The following ZNF91 variants were observed in gnomAD, a reference collection of about 807,000 sequenced individuals.
ZNF91 encodes zinc finger protein 91 (HPF7, HTF10).
Under a neutral mutation model 12.6 loss-of-function variants are expected in ZNF91, and 7 were observed. That is an observed-to-expected ratio of 0.55 (90% CI 0.31 to 1.04). The LOEUF (loss-of-function observed/expected upper bound fraction) is 1.04, where lower values mean the gene tolerates loss of function less well. Ranked by LOEUF, ZNF91 falls within the 50% of genes least tolerant of loss-of-function variation. The pLI, the probability that ZNF91 is intolerant of heterozygous loss-of-function variation, is 0.05. For missense variants in ZNF91, 1,217 were observed against 1,385.4 expected (o/e 0.88, Z 1.93); for synonymous variants, 453 against 462.6 (o/e 0.98, Z 0.27).
rs750706081 is a variant in ZNF91 at position 23,360,474 on chromosome 19, A to C, written c.2505T>G (p.Phe835Leu). The change falls in exon 4 of 4, where the codon TTT (phenylalanine) becomes TTG (leucine). Residue 835 changes from phenylalanine (F) to leucine (L), a missense_variant. Physicochemically the swap from Phe to Leu is conservative, Grantham distance 22. Transcript: ENST00000300619. Reference sequence around the variant, plus strand: ...GTTTAGCAAGGGCTGAGGAGTGCTTAAAAGCTTTGCCACATTCTTTACATT... The same window carrying C: ...GTTTAGCAAGGGCTGAGGAGTGCTTCAAAGCTTTGCCACATTCTTTACATT... Reference protein sequence around the residue: ...PYKCKECGKAFKHSSALAKHK... With the variant: ...PYKCKECGKALKHSSALAKHK... 6.2e-7 allele frequency: 1 copy of C among 1,613,890 alleles called. No homozygotes were observed. Among genetic ancestry groups the C allele is most frequent in the South Asian group, 1.1e-5 (1 of 91,078 alleles).
At chr19:23,334,600 A>G (rs1967973483), downstream of ZNF91, among the ~76,000 whole-genome samples, 1 of 152,256 alleles carries the variant, frequency 6.6e-6, no homozygotes, top group Non-Finnish European at 1.5e-5. Flanking sequence ...AAATTCAATT[A>G]GACAATGTTT....
chr19:23,360,097 G>A lies in ZNF91; in HGVS notation c.2882C>T (p.Thr961Ile), dbSNP rs577199617. ...TTCACATTTGTAGGGTTTCTCTCCA[G>A]TATGAATTATCTTATGTGTAGTAAG... ...STLTTHKIIHTGEKPYKCEEC... is the reference protein window; with the variant it reads ...STLTTHKIIHIGEKPYKCEEC... The change falls in exon 4 of 4, where the codon ACT becomes ATT. Residue 961 changes from threonine (T) to isoleucine (I), a missense_variant. By Grantham distance (89) the Thr-to-Ile change is moderately conservative (BLOSUM62 -1). Transcript: ENST00000300619. 5 of 1,613,472 alleles carry A rather than the reference G, an allele frequency of 3.1e-6. No homozygotes were observed. Among genetic ancestry groups the A allele is most frequent in the South Asian group, 2.2e-5 (2 of 91,084 alleles).
chr19:23,384,483 A>G (rs1969811693), intron 1 of ZNF91: 1 of 601,378 alleles, frequency 1.7e-6, no homozygotes, highest in Non-Finnish European at 2.4e-6. Flanking sequence ...CTGTGAAAAA[A>G]GTTGCCCTTT....
At chr19:23,307,826 C>G (rs1967417330) in intron 2 of ZNF91, 1 of 152,234 alleles carries the variant, frequency 6.6e-6, no homozygotes, top group Non-Finnish European at 1.5e-5. Flanking sequence ...TAACTCTCCT[C>G]TACTACTTCG....
At chr19:23,379,896 T>C (rs1177092727) in intron 1 of ZNF91, among the ~76,000 whole-genome samples, 4 of 152,262 alleles carry the variant, frequency 2.6e-5, no homozygotes, top group Non-Finnish European at 5.9e-5. Context: ...AGCACACGGC[T>C]CACAGCTGGC....
Position 23,395,389 on chromosome 19 carries a change from G to C in ZNF91, c.-35C>G. On this transcript the variant is annotated 5_prime_UTR_variant, in exon 1 of 4. Transcript: ENST00000300619. ...GGCTCTCCAATACCTGCAGGTCACA[G>C]GGCCACACAGGCTGGGCCTCCTGGA... is the stretch of plus-strand genomic sequence containing the variant. The C allele has an allele frequency of 6.2e-7, 1 of 1,612,548 alleles. No individual in the cohort carries two copies. The highest frequency in any genetic ancestry group is 1.3e-5 in the African/African-American group (1 of 74,960).
In ZNF91 at chr19:23,320,123, C is replaced by T. The variant is rs184221775; in HGVS notation, n.117-11026G>A. 1.2e-3 allele frequency among the ~76,000 whole-genome samples: 185 copies of T among 152,302 alleles called. 3 individuals are homozygous for T. In the Middle Eastern group the frequency reaches 0.017, roughly 14 times the overall value. On this transcript the variant is annotated intron_variant and non_coding_transcript_variant, in intron 1 of 1. Coordinates refer to the ZNF91 transcript ENST00000596528. ...CCCACTGGTGAGATCCTGAATCTCA[C>T]ACGTAGACACAGTCTACAGATGGAA...
chr19:23,307,214 C>T (rs1302243438), intron 3 of ZNF91: 2 of 152,200 alleles, frequency 1.3e-5, no homozygotes, highest in South Asian at 2.1e-4. Flanking sequence ...CCTTGTCCTA[C>T]CTCTATTGTG....
chr19:23,312,736 A>T (rs1967491268), upstream of ZNF91, among the ~76,000 whole-genome samples: 1 of 152,188 alleles, frequency 6.6e-6, no homozygotes, highest in Non-Finnish European at 1.5e-5. Context: ...CCACAGGTAC[A>T]ATCATGATTC....
At chr19:23,329,992 C>T (rs376770484) in intron 1 of ZNF91, among the ~76,000 whole-genome samples, 4 of 152,138 alleles carry the variant, frequency 2.6e-5, no homozygotes, top group African/African-American at 7.2e-5. Context: ...CATCCTCTTC[C>T]GTGTGAATTA....
At chr19:23,367,470 A>G (rs1053402813) in intron 3 of ZNF91, among the ~76,000 whole-genome samples, 9 of 152,244 alleles carry the variant, frequency 5.9e-5, no homozygotes, top group African/African-American at 2.2e-4. Flanking sequence ...TTAATTTTTC[A>G]AAGATGTCAA....
chr19:23,344,839 G>A (rs924198397), intron 3 of ZNF91, among the ~76,000 whole-genome samples: 9 of 152,198 alleles, frequency 5.9e-5, no homozygotes, highest in Non-Finnish European at 1.0e-4. Context: ...GCAAGAGAGC[G>A]GAAGCAGGAA....
At chr19:23,351,530 T>A (rs780231210) in intron 3 of ZNF91, among the ~76,000 whole-genome samples, 2 of 152,162 alleles carry the variant, frequency 1.3e-5, no homozygotes, top group Non-Finnish European at 2.9e-5. Context: ...AATAATCTTG[T>A]TAGGCAAAAG....
Position 23,361,220 on chromosome 19 carries a change from A to C in ZNF91, c.1759T>G (p.Ser587Ala). Residue 587 changes from serine to alanine, a missense_variant, in exon 4 of 4, where the codon TCA becomes GCA. Physicochemically the swap from Ser to Ala is moderately conservative, Grantham distance 99 (BLOSUM62 1). Transcript: ENST00000300619. The part of the protein sequence containing the change: ...EECGKAFNHS[S>A]SLSTHKIIHT... ...ATTATCTTATGTGTAGAAAGACTTGAGGAATGATTAAAAGCTTTGCCACAT... is the reference window on the plus strand; with the variant it reads ...ATTATCTTATGTGTAGAAAGACTTGCGGAATGATTAAAAGCTTTGCCACAT... 1 of 1,613,552 alleles carries C rather than the reference A, an allele frequency of 6.2e-7. No homozygotes were observed. The highest frequency in any genetic ancestry group is 8.5e-7 in the Non-Finnish European group (1 of 1,179,774).
intron 1 of ZNF91, among the ~76,000 whole-genome samples, chr19:23,377,177 A>T (rs1203801531): frequency 6.6e-6 from 1 of 152,126 alleles, no homozygotes; most frequent in Non-Finnish European, 1.5e-5. Context: ...TCCTTACCAA[A>T]TCCAAATAGA....
intron 3 of ZNF91, among the ~76,000 whole-genome samples, chr19:23,367,805 G>A (rs1969073714): frequency 6.6e-6 from 1 of 152,162 alleles, no homozygotes; most frequent in Admixed American, 6.5e-5. Context: ...AAAAAATTCT[G>A]TTAGAAACTG....
intron 1 of ZNF91, chr19:23,384,987 T>A: frequency 8.8e-7 from 1 of 1,134,616 alleles, no homozygotes; most frequent in Non-Finnish European, 1.3e-6. Context: ...AGGAAAAAGG[T>A]CAGGAGAAAA....
At position 23,360,624 on chromosome 19, in the gene ZNF91, T is replaced by C. The variant is rs370042819; in HGVS notation, c.2355A>G (p.Leu785=). 205 of 1,612,922 alleles carry C rather than the reference T, an allele frequency of 1.3e-4. No individual in the cohort carries two copies. In the African/African-American group the frequency reaches 2.5e-3, roughly 20 times the overall value. ...CAGTGTGTATCCTCTTATGTCTAGTTAGGGTTGAAGACCATATAAATGCTT... is the reference window on the plus strand; with the variant it reads ...CAGTGTGTATCCTCTTATGTCTAGTCAGGGTTGAAGACCATATAAATGCTT... ...CGKAFIWSST[L]TRHKRIHTGE... Residue 785 remains leucine (L), a synonymous_variant, in exon 4 of 4, where the codon CTA becomes CTG. Transcript: ENST00000300619.
intron 3 of ZNF91, among the ~76,000 whole-genome samples, chr19:23,349,113 A>T (rs1968302721): frequency 6.6e-6 from 1 of 152,056 alleles, no homozygotes; most frequent in Non-Finnish European, 1.5e-5. Context: ...GGACATGGAC[A>T]CTCATTGGTA....
Sources: allele counts gnomAD v4.1 joint callset (sites outside exome capture counted in the v4.1 genomes callset), GRCh38; gene constraint gnomAD v4.1.1; transcripts MANE v1.5; gene names NCBI Gene and HGNC (gene_info 2026-07-23, HGNC 2026-07-21).